The following NDRG1 variants were observed in gnomAD, a reference collection of about 807,000 sequenced individuals.
NDRG1 encodes the protein protein NDRG1.
Under a neutral mutation model 56.9 loss-of-function variants are expected in NDRG1, and 32 were observed. The observed-to-expected ratio is 0.56, with a 90% confidence interval of 0.42 to 0.76. The LOEUF is 0.76. NDRG1 is among the 30% of genes least tolerant of loss of function. NDRG1 has a pLI of 0.00. For missense variants in NDRG1, 507 were observed against 545.7 expected (o/e 0.93, Z 0.71); for synonymous variants, 211 against 204.1 (o/e 1.03, Z -0.29).
chr8:133,259,493 G>A, intron 5 of NDRG1: 1 of 530,556 alleles, frequency 1.9e-6, no homozygotes, highest in Non-Finnish European at 3.4e-6. Flanking sequence ...GAGGCTGCTA[G>A]GATTTCCCCT....
intron 10 of NDRG1, among the ~76,000 whole-genome samples, chr8:133,249,915 G>A (rs1367550162): frequency 6.6e-6 from 1 of 152,214 alleles, no homozygotes; most frequent in Non-Finnish European, 1.5e-5. Context: ...CAGAGTCTCT[G>A]GCTGACACCA....
At chr8:133,264,143 A>G (rs1161583433) in intron 4 of NDRG1, among the ~76,000 whole-genome samples, 8 of 152,200 alleles carry the variant, frequency 5.3e-5, no homozygotes, top group African/African-American at 1.9e-4. Flanking sequence ...AAATTCACAG[A>G]AAAGGAAAGT....
chr8:133,240,838 G>A (rs1855337079), intron 15 of NDRG1: 1 of 152,206 alleles, frequency 6.6e-6, no homozygotes, highest in Admixed American at 6.5e-5. Context: ...CACCGTGCAG[G>A]GTAAAGCAGG....
chr8:133,284,433 C>A (rs879154701), intron 1 of NDRG1, 104 bp from the exon 2 acceptor site: 1 of 995,574 alleles, frequency 1.0e-6, no homozygotes, highest in South Asian at 1.3e-5. Flanking sequence ...TGCGCTCTGC[C>A]CAGCAGCTTC....
Position 133,242,083 on chromosome 8 carries a change from G to C in NDRG1, c.892-9C>G, listed in dbSNP as rs987790520. On this transcript the variant is annotated splice_polypyrimidine_tract_variant and intron_variant, in intron 14 of 15. Coordinates refer to ENST00000323851, the MANE Select transcript of NDRG1 (RefSeq NM_006096.4). ...TCAGCGAGCTTGGCCGGCTGCGAGA[G>C]ACAAGGAGAGAAAATGCAGTCAGTT... 3.1e-6 allele frequency: 5 copies of C among 1,614,118 alleles called. No homozygotes were observed. The Admixed American group carries it at 5.0e-5, about 16-fold the overall frequency.
chr8:133,296,945 C>T (rs542063491), intron 1 of NDRG1, 189 bp downstream of exon 1: 42 of 184,814 alleles, frequency 2.3e-4, no homozygotes, highest in South Asian at 6.4e-4. Flanking sequence ...GAACCCCCCA[C>T]TTCAGCGGTG....
At chr8:133,295,599 T>G (rs1476818417) in intron 1 of NDRG1, among the ~76,000 whole-genome samples, 1 of 152,232 alleles carries the variant, frequency 6.6e-6, no homozygotes, top group Non-Finnish European at 1.5e-5. Context: ...CTTGCTTATT[T>G]CAATCACATT....
chr8:133,280,267 T>C lies in NDRG1; in HGVS notation c.64A>G (p.Thr22Ala), dbSNP rs755696955. ...EVKPLVEKGE[T>A]ITGLLQEFDV... ...AACTCTTGCAGGAGGCCGGTGATGG[T>C]CTGTGAAAAGACAAAAAAAATTGTC... The change falls in exon 3 of 16, where the codon ACC becomes GCC. Residue 22 changes from threonine to alanine, a missense_variant and splice_region_variant. By Grantham distance (58) the Thr-to-Ala change is moderately conservative (BLOSUM62 0). Transcript: ENST00000323851. 1.9e-5 allele frequency: 31 copies of C among 1,613,972 alleles called. No individual in the cohort carries two copies. The highest frequency in any genetic ancestry group is 2.3e-5 in the Non-Finnish European group (27 of 1,179,972).
intron 3 of NDRG1, among the ~76,000 whole-genome samples, chr8:133,270,154 T>C (rs1376134351): frequency 6.6e-6 from 1 of 152,144 alleles, no homozygotes; most frequent in Non-Finnish European, 1.5e-5. Context: ...GCCCGGAGGG[T>C]ACACTTAGAG....
intron 10 of NDRG1, 87 bp from the exon 11 acceptor site, chr8:133,248,858 G>GC: frequency 6.8e-7 from 1 of 1,473,070 alleles, no homozygotes; most frequent in Non-Finnish European, 9.5e-7. Flanking sequence ...AGGAGGTCCT[G>GC]CCAGTGGCCA....
intron 14 of NDRG1, among the ~76,000 whole-genome samples, chr8:133,242,352 T>C (rs1168403502): frequency 1.3e-5 from 2 of 152,328 alleles, no homozygotes; most frequent in East Asian, 1.9e-4. Flanking sequence ...TGTGTGTTTC[T>C]GAGGAGATTA....
chr8:133,242,214 C>T (rs921879506), intron 14 of NDRG1, 140 bp from the exon 15 acceptor site: 6 of 837,646 alleles, frequency 7.2e-6, no homozygotes, highest in African/African-American at 3.4e-5. Context: ...CAGGACAAAA[C>T]ACAAAAGTAA....
chr8:133,276,805 T>A (rs1202560731), intron 3 of NDRG1, among the ~76,000 whole-genome samples: 1 of 152,226 alleles, frequency 6.6e-6, no homozygotes, highest in East Asian at 1.9e-4. Flanking sequence ...AGCTTGAGAA[T>A]GGACTGATAC....
intron 1 of NDRG1, among the ~76,000 whole-genome samples, chr8:133,288,944 G>A (rs1191935118): frequency 1.3e-5 from 2 of 152,242 alleles, no homozygotes; most frequent in East Asian, 3.8e-4. Context: ...ACCTGCCTGG[G>A]AGGAATTCCG....
intron 11 of NDRG1, 80 bp from the exon 12 acceptor site, chr8:133,248,006 C>T (rs1586416054): frequency 1.0e-5 from 14 of 1,357,262 alleles, no homozygotes; most frequent in Non-Finnish European, 1.4e-5. Flanking sequence ...CAGGCTGGGG[C>T]CTGCATTCTA....
intron 14 of NDRG1, among the ~76,000 whole-genome samples, chr8:133,243,373 A>AAATTGG: frequency 6.6e-6 from 1 of 152,334 alleles, no homozygotes; most frequent in Non-Finnish European, 1.5e-5. Context: ...TAGCTCCAGT[A>AAATTGG]ATCATGGGCA....
At chr8:133,258,246 A>C (rs1316391138) in intron 7 of NDRG1, 120 bp downstream of exon 7, 3 of 986,304 alleles carry the variant, frequency 3.0e-6, no homozygotes, top group Admixed American at 2.0e-5. Flanking sequence ...CACACACACA[A>C]CTGTGGAGAA....
rs1040630418 is a variant in NDRG1 at position 133,275,456 on chromosome 8, G to C, written c.99+4776C>G. On this transcript the variant is annotated intron_variant, in intron 3 of 15. Coordinates refer to ENST00000323851, the MANE Select transcript of NDRG1 (RefSeq NM_006096.4). ...CAGAATTCAGATCAGAAAGGCCTTT[G>C]CTTGTGCTGTTACCTCTGCCTGGAA... Among the ~76,000 whole-genome samples the C allele has an allele frequency of 2.0e-5, 3 of 152,220 alleles. No homozygotes were observed. In the East Asian group the frequency reaches 5.8e-4, roughly 29 times the overall value.
intron 3 of NDRG1, among the ~76,000 whole-genome samples, chr8:133,273,980 C>T (rs997833753): frequency 6.6e-5 from 10 of 152,190 alleles, no homozygotes; most frequent in African/African-American, 2.2e-4. Flanking sequence ...CAGATCAGAC[C>T]GTGTCCTTCC....
Sources: allele counts gnomAD v4.1 joint callset (sites outside exome capture counted in the v4.1 genomes callset), GRCh38; gene constraint gnomAD v4.1.1; transcripts MANE v1.5; gene names NCBI Gene and HGNC (gene_info 2026-07-23, HGNC 2026-07-21).